Variants in DGLUCY observed in about 807,000 individuals in gnomAD.
The protein encoded by DGLUCY is D-glutamate cyclase.
In DGLUCY, 58 loss-of-function variants were observed where a neutral mutation model predicts 58.5. The ratio of observed to expected loss-of-function variants is 0.99; its 90% CI spans 0.80 to 1.23. DGLUCY has a LOEUF of 1.23. Ranked by LOEUF, DGLUCY falls within the 50% of genes most tolerant of loss-of-function variation. The probability of loss-of-function intolerance (pLI) is 0.00; values close to 1 mark genes in which losing one functional copy is unlikely to be tolerated. For synonymous variants in DGLUCY, 325 were observed against 314.1 expected, an observed-to-expected ratio of 1.03 and a Z score of -0.37; for missense variants, 779 against 784.7, an observed-to-expected ratio of 0.99 and a Z score of 0.09.
chr14:91,129,668 C>T lies in DGLUCY; in HGVS notation c.-82+15385C>T, dbSNP rs533394166. Among the ~76,000 whole-genome samples, 6 of 149,954 alleles carry T rather than the reference C, an allele frequency of 4.0e-5. No individual in the cohort carries two copies. In the East Asian group the frequency reaches 7.8e-4, roughly 19 times the overall value. ...TGTTTTTTGTTTTTTTTTTCTGAGA[C>T]GGAGTTTCACTCTTGTTGCCCAGGC... On this transcript the variant is annotated intron_variant, in intron 1 of 13. Transcript: ENST00000256324.
chr14:91,106,227 G>A (rs1011949900), upstream of DGLUCY, among the ~76,000 whole-genome samples: 2 of 151,842 alleles, frequency 1.3e-5, no homozygotes, highest in Non-Finnish European at 2.9e-5. Flanking sequence ...AGAATCGCTC[G>A]AACCCGGGAG....
intron 1 of DGLUCY, among the ~76,000 whole-genome samples, chr14:91,124,889 G>T (rs2045583677): frequency 6.6e-6 from 1 of 152,216 alleles, no homozygotes; most frequent in South Asian, 2.1e-4. Flanking sequence ...CCACAATTTA[G>T]CCTGAATATT....
rs778666011 is a variant in DGLUCY at position 91,215,496 on chromosome 14, C to G, written c.1656C>G (p.Val552=). The part of the protein sequence containing the change: ...AVHSQYLRKA[V]GPSRAPGDQA... ...ACAGTCAGTACCTGAGGAAAGCAGT[C>G]GGACCCTCCAGGGCACCTGGAGATC... Residue 552 remains valine, a synonymous_variant, in exon 13 of 14, where the codon GTC becomes GTG. Coordinates refer to ENST00000256324, the MANE Select transcript of DGLUCY (RefSeq NM_001102368.3). 3 of 1,614,098 alleles carry G rather than the reference C, an allele frequency of 1.9e-6. No homozygotes were observed. The highest frequency in any genetic ancestry group is 4.5e-5 in the East Asian group (2 of 44,902).
chr14:91,189,159 C>T lies in DGLUCY; in HGVS notation c.1184C>T (p.Ala395Val). 1 of 1,614,182 alleles carries T rather than the reference C, an allele frequency of 6.2e-7. No homozygotes were observed. Among genetic ancestry groups the T allele is most frequent in the Non-Finnish European group, 8.5e-7 (1 of 1,180,014 alleles). ...WNLHQKIVED[A>V]VEQGVLKTQI... ...TTGCACCAGAAGATTGTTGAAGATG[C>T]TGTTGAGCAAGGTAAGCAGTGAGAT... Residue 395 changes from alanine (A) to valine (V), a missense_variant, in exon 9 of 14, where the codon GCT (alanine) becomes GTT (valine). Transcript: ENST00000256324.
At chr14:91,170,817 C>T (rs1189539442) in intron 5 of DGLUCY, among the ~76,000 whole-genome samples, 2 of 152,208 alleles carry the variant, frequency 1.3e-5, no homozygotes, top group Non-Finnish European at 2.9e-5. Flanking sequence ...GTTCACTCTG[C>T]TCCATCAGTG....
At chr14:91,209,284 A>G (rs1425136768) in intron 12 of DGLUCY, among the ~76,000 whole-genome samples, 1 of 152,136 alleles carries the variant, frequency 6.6e-6, no homozygotes, top group Non-Finnish European at 1.5e-5. Flanking sequence ...AACGACGACA[A>G]AACAAAAGAA....
intron 10 of DGLUCY, 69 bp from the exon 11 acceptor site, chr14:91,199,688 A>C: frequency 6.5e-7 from 1 of 1,541,966 alleles, no homozygotes; most frequent in Non-Finnish European, 8.8e-7. Flanking sequence ...AAACACAAGA[A>C]GGCATGACCC....
intron 1 of DGLUCY, among the ~76,000 whole-genome samples, chr14:91,089,696 C>G (rs2044278035): frequency 6.6e-6 from 1 of 151,694 alleles, no homozygotes; most frequent in East Asian, 1.9e-4. Flanking sequence ...TGGCGCATGC[C>G]TATAATCCCA....
At chr14:91,103,788 C>T (rs538287568), upstream of DGLUCY, among the ~76,000 whole-genome samples, 9 of 151,730 alleles carry the variant, frequency 5.9e-5, no homozygotes, top group Admixed American at 2.6e-4. Flanking sequence ...TAAACACACA[C>T]GCACACACAA....
rs572931973 is a variant in DGLUCY, at chr14:91,181,172, G to T, written c.731-14G>T. ...GAAGTGGCTGGGCTCAGACCCTCCT[G>T]CTGTGTGTTTTAGAGACCCCACTGG... On this transcript the variant is annotated splice_polypyrimidine_tract_variant and intron_variant, in intron 7 of 13. Transcript: ENST00000256324. 3.1e-6 allele frequency: 5 copies of T among 1,613,354 alleles called. No individual in the cohort carries two copies. The African/African-American group carries it at 5.3e-5, about 17-fold the overall frequency.
At position 91,173,739 on chromosome 14, in the gene DGLUCY, C is replaced by A. The variant is rs531966617; in HGVS notation, c.607+300C>A. ...GTATCAGGGCTGGGCTTACAGATGC[C>A]CCTCAGGTTTAAAGGTGCCACCCTT... On this transcript the variant is annotated intron_variant, in intron 6 of 13. Coordinates refer to ENST00000256324, the MANE Select transcript of DGLUCY (RefSeq NM_001102368.3). 78 of 282,090 alleles carry A rather than the reference C, an allele frequency of 2.8e-4. 2 individuals carry two copies. The South Asian group carries it at 4.8e-3, about 17-fold the overall frequency. 17.5% of individuals were successfully genotyped at this position (282,090 alleles called of 1,614,324 possible). A position where few individuals can be genotyped will look rare whatever the true frequency, so the allele number is the denominator to read the frequency against.
Position 91,204,756 on chromosome 14 carries a change from G to A in DGLUCY, c.1495G>A (p.Val499Met), listed in dbSNP as rs572986100. 2 of 1,614,160 alleles carry A rather than the reference G, an allele frequency of 1.2e-6. No homozygotes were observed. The highest frequency in any genetic ancestry group is 2.2e-5 in the South Asian group (2 of 91,074). Residue 499 changes from valine (V) to methionine (M), a missense_variant, in exon 12 of 14, where the codon GTG becomes ATG. Coordinates refer to ENST00000256324, the MANE Select transcript of DGLUCY (RefSeq NM_001102368.3). Reference sequence around the variant, plus strand: ...TGGGATGGGTAAAGTCAAGGAGGCTGTGAGGAGGCACATACGGCACGGGGA... The same window carrying A: ...TGGGATGGGTAAAGTCAAGGAGGCTATGAGGAGGCACATACGGCACGGGGA... ...ELGMGKVKEAVRRHIRHGDVI... is the reference protein window; with the variant it reads ...ELGMGKVKEAMRRHIRHGDVI...
At chr14:91,106,745 C>T (rs752441698), upstream of DGLUCY, among the ~76,000 whole-genome samples, 4 of 150,676 alleles carry the variant, frequency 2.7e-5, no homozygotes, top group Admixed American at 6.6e-5. Context: ...GTATTGAAGG[C>T]GAAATTTCAA....
chr14:91,162,895 C>G (rs1421666267), intron 3 of DGLUCY, among the ~76,000 whole-genome samples: 2 of 141,536 alleles, frequency 1.4e-5, no homozygotes, highest in Non-Finnish European at 3.1e-5. Context: ...GAAACTCTGT[C>G]TCAAGAAAAA....
intron 1 of DGLUCY, among the ~76,000 whole-genome samples, chr14:91,070,719 T>C (rs139864549): frequency 6.6e-6 from 1 of 152,242 alleles, no homozygotes; most frequent in East Asian, 1.9e-4. Context: ...AACATAATCA[T>C]AAACATTTGA....
rs780273610 is a variant in DGLUCY at position 91,160,269 on chromosome 14, C to G, written c.-26C>G. The G allele has an allele frequency of 8.3e-6, 13 of 1,570,298 alleles. No homozygotes were observed. In the South Asian group the frequency reaches 1.4e-4, roughly 17 times the overall value. ...TCCCTTTCCTTCCCTCACCCAGATTCTCTGCTACTTATTCAAGTTGACACG... is the reference window on the plus strand; with the variant it reads ...TCCCTTTCCTTCCCTCACCCAGATTGTCTGCTACTTATTCAAGTTGACACG... On this transcript the variant is annotated 5_prime_UTR_variant, in exon 3 of 14. Transcript: ENST00000256324.
chr14:91,150,671 C>T (rs1203326790), intron 1 of DGLUCY, among the ~76,000 whole-genome samples: 1 of 152,128 alleles, frequency 6.6e-6, no homozygotes, highest in African/African-American at 2.4e-5. Context: ...AGGGATCCTA[C>T]CGCCTCAGCG....
chr14:91,079,985 C>T (rs1433793518), intron 1 of DGLUCY, among the ~76,000 whole-genome samples: 2 of 152,164 alleles, frequency 1.3e-5, no homozygotes, highest in Non-Finnish European at 2.9e-5. Flanking sequence ...CCCAGGTAAC[C>T]TGTATTCCAC....
At chr14:91,127,752 T>C (rs1264212124) in intron 1 of DGLUCY, among the ~76,000 whole-genome samples, 1 of 152,230 alleles carries the variant, frequency 6.6e-6, no homozygotes, top group East Asian at 1.9e-4. Flanking sequence ...AATATGATTT[T>C]CTGGTTCTCA....
Sources: gnomAD v4.1 joint callset for allele counts (sites outside exome capture counted in the v4.1 genomes callset) on GRCh38, gnomAD v4.1.1 for gene constraint, MANE v1.5 for transcripts, NCBI Gene and HGNC (gene_info 2026-07-23, HGNC 2026-07-21) for gene names.